Variants in CAMK1D observed in about 807,000 individuals in gnomAD.
CAMK1D encodes calcium/calmodulin-dependent protein kinase type 1D.
A neutral mutation model predicts 47.7 loss-of-function variants in CAMK1D; 9 were observed. The ratio of observed to expected loss-of-function variants is 0.19; its 90% CI spans 0.11 to 0.33. The LOEUF (loss-of-function observed/expected upper bound fraction) is 0.33, where lower values mean the gene tolerates loss of function less well. Ranked by LOEUF, CAMK1D falls within the 10% of genes least tolerant of loss-of-function variation. CAMK1D has a pLI of 1.00. For synonymous variants in CAMK1D, 184 were observed against 184.9 expected, an observed-to-expected ratio of 0.99 and a Z score of 0.04; for missense variants, 291 against 488.7, an observed-to-expected ratio of 0.60 and a Z score of 3.81.
intron 1 of CAMK1D, among the ~76,000 whole-genome samples, chr10:12,426,145 A>G (rs1324117663): frequency 6.6e-6 from 1 of 152,222 alleles, no homozygotes; most frequent in Non-Finnish European, 1.5e-5. Context: ...GCCATGCAGT[A>G]TTTAGGCTTG....
intron 1 of CAMK1D, among the ~76,000 whole-genome samples, chr10:12,467,344 G>T (rs191014585): frequency 1.2e-4 from 19 of 152,124 alleles, no homozygotes; most frequent in Admixed American, 1.2e-3. Context: ...GTAGAGATGG[G>T]GTTTTGCCAT....
chr10:12,691,821 A>C (rs2130670354), intron 3 of CAMK1D, among the ~76,000 whole-genome samples: 1 of 152,258 alleles, frequency 6.6e-6, no homozygotes, highest in South Asian at 2.1e-4. Flanking sequence ...GGAGGGGGAG[A>C]AAGCCTTGAA....
intron 1 of CAMK1D, among the ~76,000 whole-genome samples, chr10:12,386,927 C>G (rs116350987): frequency 6.6e-6 from 1 of 152,062 alleles, no homozygotes; most frequent in African/African-American, 2.4e-5. Flanking sequence ...CTCAGCCGGG[C>G]GCAGTAGCTC....
chr10:12,694,364 TTA>T (rs1833145048), intron 3 of CAMK1D, among the ~76,000 whole-genome samples: 1 of 75,380 alleles, frequency 1.3e-5, no homozygotes, highest in Admixed American at 2.4e-4. Context: ...ATGTTATATG[TTA>T]TATATAAAAT....
chr10:12,509,572 C>T (rs547680001), intron 1 of CAMK1D, among the ~76,000 whole-genome samples: 3 of 151,986 alleles, frequency 2.0e-5, no homozygotes, highest in Admixed American at 6.6e-5. Flanking sequence ...CATGCTGAAA[C>T]CCCATTTCTA....
At chr10:12,358,927 T>C (rs1156491317) in intron 1 of CAMK1D, among the ~76,000 whole-genome samples, 2 of 152,156 alleles carry the variant, frequency 1.3e-5, no homozygotes, top group African/African-American at 4.8e-5. Context: ...TGGAAATTGA[T>C]TTTTTGGAAG....
intron 3 of CAMK1D, among the ~76,000 whole-genome samples, chr10:12,705,870 A>G (rs1486296419): frequency 6.6e-6 from 1 of 152,240 alleles, no homozygotes; most frequent in African/African-American, 2.4e-5. Context: ...ACTAAAAGTG[A>G]TGCTCACTGT....
At chr10:12,465,351 T>TTTTTA (rs1482383608) in intron 1 of CAMK1D, among the ~76,000 whole-genome samples, 1 of 152,174 alleles carries the variant, frequency 6.6e-6, no homozygotes, top group Non-Finnish European at 1.5e-5. Flanking sequence ...CAATCTTTTA[T>TTTTTA]TTTTATTTTA....
chr10:12,588,821 CACAT>C (rs780649176), intron 2 of CAMK1D, among the ~76,000 whole-genome samples: 14 of 151,024 alleles, frequency 9.3e-5, no homozygotes, highest in South Asian at 2.1e-4. Flanking sequence ...TACACACATG[CACAT>C]ACATATATAT....
At chr10:12,749,284 T>C (rs1209674034) in intron 3 of CAMK1D, among the ~76,000 whole-genome samples, 1 of 152,146 alleles carries the variant, frequency 6.6e-6, no homozygotes, top group Non-Finnish European at 1.5e-5. Context: ...GTCATTTTTT[T>C]TAACATTAAG....
intron 3 of CAMK1D, among the ~76,000 whole-genome samples, chr10:12,749,011 C>T (rs1835805583): frequency 6.6e-6 from 1 of 152,160 alleles, no homozygotes; most frequent in African/African-American, 2.4e-5. Flanking sequence ...AGTGTTTCTA[C>T]AATTACTTTA....
intron 1 of CAMK1D, among the ~76,000 whole-genome samples, chr10:12,495,100 CTGGGCTGTGAACTTG>C (rs903810869): frequency 2.0e-5 from 3 of 152,174 alleles, no homozygotes; most frequent in Admixed American, 1.3e-4. Context: ...CTGTGAACTT[CTGGGCTGTGAACTTG>C]TGGGCTGTAA....
Position 12,828,830 on chromosome 10 carries a change from A to T in CAMK1D, c.1101A>T (p.Gly367=). 3 of 1,613,700 alleles carry T rather than the reference A, an allele frequency of 1.9e-6. No homozygotes were observed. The highest frequency in any genetic ancestry group is 2.5e-6 in the Non-Finnish European group (3 of 1,179,888). Residue 367 remains glycine, a synonymous_variant, in exon 11 of 11, where the codon GGA becomes GGT. Coordinates refer to ENST00000619168, the MANE Select transcript of CAMK1D (RefSeq NM_153498.4). ...ISSSSGVSGV[G]AERRPRPTTV... is the part of the protein sequence containing the mutation. Reference sequence around the variant, plus strand: ...CTTCGTCGGGGGTCTCAGGAGTTGGAGCCGAGCGGAGACCCAGGCCCACCA... The same window carrying T: ...CTTCGTCGGGGGTCTCAGGAGTTGGTGCCGAGCGGAGACCCAGGCCCACCA...
chr10:12,565,138 G>A (rs531912502), intron 2 of CAMK1D, among the ~76,000 whole-genome samples: 1 of 152,232 alleles, frequency 6.6e-6, no homozygotes, highest in East Asian at 1.9e-4. Context: ...TTGGGTCCAG[G>A]AGTTTGAGGC....
intron 1 of CAMK1D, among the ~76,000 whole-genome samples, chr10:12,362,740 G>C (rs1034581294): frequency 1.3e-5 from 2 of 152,152 alleles, no homozygotes; most frequent in Non-Finnish European, 2.9e-5. Flanking sequence ...GCGATCTCCT[G>C]ACCTCCTGAT....
Position 12,835,194 on chromosome 10 carries a change from T to C in CAMK1D, c.*6307T>C, listed in dbSNP as rs1180288973. 1 of 152,198 alleles carries C rather than the reference T, an allele frequency of 6.6e-6. No homozygotes were observed. Among genetic ancestry groups the C allele is most frequent in the Admixed American group, 6.5e-5 (1 of 15,280 alleles). 9.4% of individuals were successfully genotyped at this position (152,198 alleles called of 1,614,324 possible). On this transcript the variant is annotated 3_prime_UTR_variant, in exon 11 of 11. Coordinates refer to ENST00000619168, the MANE Select transcript of CAMK1D (RefSeq NM_153498.4). ...GCTTTTGTCACTACACATAATGTAA[T>C]CTCCCTTCTTTCAGCTCCCCCAACA...
chr10:12,500,940 C>G (rs1308535594), intron 1 of CAMK1D, among the ~76,000 whole-genome samples: 1 of 152,234 alleles, frequency 6.6e-6, no homozygotes, highest in East Asian at 1.9e-4. Context: ...ACAATCACCT[C>G]CTGTGGTTGG....
At chr10:12,610,691 G>C (rs1838593483) in intron 2 of CAMK1D, among the ~76,000 whole-genome samples, 2 of 152,272 alleles carry the variant, frequency 1.3e-5, no homozygotes, top group African/African-American at 4.8e-5. Flanking sequence ...TTTCATCTCT[G>C]GGCCACCCAG....
chr10:12,598,570 T>C (rs772115062), intron 2 of CAMK1D, among the ~76,000 whole-genome samples: 20 of 152,174 alleles, frequency 1.3e-4, no homozygotes, highest in Non-Finnish European at 1.5e-4. Flanking sequence ...GACACCCCAC[T>C]GAGAGATTTA....
Sources: gnomAD v4.1 joint callset for allele counts (sites outside exome capture counted in the v4.1 genomes callset) on GRCh38, gnomAD v4.1.1 for gene constraint, MANE v1.5 for transcripts, NCBI Gene and HGNC (gene_info 2026-07-23, HGNC 2026-07-21) for gene names.